Variants in SLC24A1 observed in about 807,000 individuals in gnomAD.
The protein encoded by SLC24A1 is solute carrier family 24 member 1, also known as sodium/potassium/calcium exchanger 1.
A neutral mutation model predicts 88.1 loss-of-function variants in SLC24A1; 52 were observed. The observed-to-expected ratio is 0.59, with a 90% CI of 0.47 to 0.74. The LOEUF (loss-of-function observed/expected upper bound fraction) is 0.74, where lower values mean the gene tolerates loss of function less well. SLC24A1 is among the 30% of genes least tolerant of loss of function. SLC24A1 has a pLI of 0.00. For synonymous variants in SLC24A1, 455 were observed against 498.0 expected (o/e 0.91, Z 1.15); for missense variants, 1,173 against 1,363.3 (o/e 0.86, Z 2.20).
rs557122521 is a variant in SLC24A1 at position 65,642,850 on chromosome 15, G to A, written c.2054-1577G>A. Reference sequence around the variant, plus strand: ...CTGTTTCCTGCTTGTCCTGGAGCCAGGCAGAGCCTTTGATCCACCCAGCTT... The same window carrying A: ...CTGTTTCCTGCTTGTCCTGGAGCCAAGCAGAGCCTTTGATCCACCCAGCTT... On this transcript the variant is annotated intron_variant, in intron 4 of 9. Transcript: ENST00000261892. The A allele has an allele frequency of 5.9e-5, 25 of 423,584 alleles. 2 individuals are homozygous for A. The highest frequency in any genetic ancestry group is 4.6e-4 in the South Asian group (25 of 53,956). The allele number at this position is 423,584 out of a possible 1,614,324, so 26.2% of individuals were successfully genotyped here. A position where few individuals can be genotyped will look rare whatever the true frequency, so the allele number is the denominator to read the frequency against.
Position 65,638,176 on chromosome 15 carries a change from C to G in SLC24A1, c.1939C>G (p.Leu647Val). The G allele has an allele frequency of 6.2e-7, 1 of 1,606,374 alleles. No homozygotes were observed. ...AVDELQDNKK[L>V]KLPSLLTRGS... ...GGATGAGCTACAGGATAACAAGAAGCTGAAGGTGGGTGCCGTATGGAGTCT... is the reference window on the plus strand; with the variant it reads ...GGATGAGCTACAGGATAACAAGAAGGTGAAGGTGGGTGCCGTATGGAGTCT... The change falls in exon 3 of 10, where the codon CTG becomes GTG. Residue 647 changes from leucine (L) to valine (V), a missense_variant. By Grantham distance (32) the Leu-to-Val change is conservative. Transcript: ENST00000261892.
intron 6 of SLC24A1, 67 bp downstream of exon 6, chr15:65,645,770 A>G: frequency 9.6e-7 from 1 of 1,045,240 alleles, no homozygotes; most frequent in Admixed American, 2.1e-5. Context: ...GACCAAAAAT[A>G]CATCCTCCCT....
Position 65,654,477 on chromosome 15 carries a change from G to C in SLC24A1, c.*398G>C. The C allele has an allele frequency of 8.6e-7, 1 of 1,167,348 alleles. No homozygotes were observed. Among genetic ancestry groups the C allele is most frequent in the East Asian group, 6.8e-5 (1 of 14,662 alleles). 72.3% of individuals were successfully genotyped at this position (1,167,348 alleles called of 1,614,324 possible). The stretch of plus-strand genomic sequence containing the variant: ...AAAGGCTGCTGGCCCAAAAGATGCA[G>C]ATGTGGTCTACATCTCAGCCTTCCT... On this transcript the variant is annotated 3_prime_UTR_variant, in exon 10 of 10. Transcript: ENST00000261892.
chr15:65,657,136 G>A (rs2075708212), downstream of SLC24A1, among the ~76,000 whole-genome samples: 1 of 152,094 alleles, frequency 6.6e-6, no homozygotes, highest in Admixed American at 6.5e-5. Flanking sequence ...CTCCCAAAGT[G>A]CTGAGATTAC....
At chr15:65,645,836 C>T in intron 6 of SLC24A1, 133 bp downstream of exon 6, 1 of 630,298 alleles carries the variant, frequency 1.6e-6, no homozygotes, top group South Asian at 2.1e-5. Context: ...ATTACCCTTT[C>T]TCTGAAGATC....
intron 5 of SLC24A1, 33 bp downstream of exon 5, chr15:65,644,546 C>T (rs199964607): frequency 8.6e-5 from 123 of 1,429,828 alleles, no homozygotes; most frequent in Non-Finnish European, 1.1e-4. Flanking sequence ...GGGTTTTCTC[C>T]TGCCCCCCTC....
chr15:65,647,449 G>A (rs2075338758), intron 6 of SLC24A1, among the ~76,000 whole-genome samples: 1 of 136,502 alleles, frequency 7.3e-6, no homozygotes, highest in African/African-American at 2.8e-5. Context: ...CTACACTCCA[G>A]CCTGGGTGAC....
chr15:65,646,992 T>G (rs2141671771), intron 6 of SLC24A1, among the ~76,000 whole-genome samples: 1 of 152,336 alleles, frequency 6.6e-6, no homozygotes, highest in South Asian at 2.1e-4. Flanking sequence ...TGAGAAGGCA[T>G]CTGTGACCCT....
chr15:65,629,875 C>T (rs896687550), intron 2 of SLC24A1, among the ~76,000 whole-genome samples: 3 of 152,114 alleles, frequency 2.0e-5, no homozygotes, highest in East Asian at 1.9e-4. Flanking sequence ...TTGGAAGCTC[C>T]GTACCCACAC....
chr15:65,638,254 T>C, intron 3 of SLC24A1, 73 bp downstream of exon 3: 1 of 1,073,220 alleles, frequency 9.3e-7, no homozygotes, highest in Non-Finnish European at 1.4e-6. Context: ...CCCAGGGTAT[T>C]GTGGCCCTGT....
intron 2 of SLC24A1, among the ~76,000 whole-genome samples, chr15:65,627,893 G>A (rs1292527174): frequency 6.6e-6 from 1 of 152,204 alleles, no homozygotes; most frequent in Non-Finnish European, 1.5e-5. Context: ...GGCTTTAGTA[G>A]CAACTCCTTG....
At chr15:65,616,604 C>G (rs1376785022) in intron 2 of SLC24A1, among the ~76,000 whole-genome samples, 1 of 152,020 alleles carries the variant, frequency 6.6e-6, no homozygotes, top group African/African-American at 2.4e-5. Flanking sequence ...TGTTTGAGTT[C>G]TTTGTAGATT....
intron 6 of SLC24A1, among the ~76,000 whole-genome samples, chr15:65,648,672 A>ATT (rs527349496): frequency 6.6e-6 from 1 of 151,056 alleles, no homozygotes; most frequent in East Asian, 1.9e-4. Flanking sequence ...TTATTTATTT[A>ATT]TTTTTTTTAA....
At chr15:65,644,300 C>A in intron 4 of SLC24A1, 127 bp from the exon 5 acceptor site, 2 of 718,158 alleles carry the variant, frequency 2.8e-6, no homozygotes, top group South Asian at 3.0e-5. Context: ...GTCACAACCC[C>A]CATGGCAGCC....
chr15:65,655,106 C>T lies in SLC24A1; in HGVS notation c.*1027C>T. 9 of 1,008,944 alleles carry T rather than the reference C, an allele frequency of 8.9e-6. No individual in the cohort carries two copies. Among genetic ancestry groups the T allele is most frequent in the Non-Finnish European group, 1.1e-5 (9 of 843,994 alleles). 62.5% of individuals were successfully genotyped at this position (1,008,944 alleles called of 1,614,324 possible). A position where few individuals can be genotyped will look rare whatever the true frequency, so the allele number is the denominator to read the frequency against. ...ACATGCAAATTCATGTTGTCTCCAT[C>T]AGTGGTCACCTTGAGGGATTAGACA... On this transcript the variant is annotated 3_prime_UTR_variant, in exon 10 of 10. Coordinates refer to ENST00000261892, the MANE Select transcript of SLC24A1 (RefSeq NM_004727.3).
rs886051357 is a variant in SLC24A1, at chr15:65,655,553, A to G, written c.*1474A>G. The G allele has an allele frequency of 1.5e-5, 15 of 985,342 alleles. No individual in the cohort carries two copies. Among genetic ancestry groups the G allele is most frequent in the African/African-American group, 1.7e-5 (1 of 57,254 alleles). 61.0% of individuals were successfully genotyped at this position (985,342 alleles called of 1,614,324 possible). A position where few individuals can be genotyped will look rare whatever the true frequency, so the allele number is the denominator to read the frequency against. On this transcript the variant is annotated 3_prime_UTR_variant, in exon 10 of 10. Coordinates refer to ENST00000261892, the MANE Select transcript of SLC24A1 (RefSeq NM_004727.3). ...GCTTTTACTAGAATCAAGTTAAGGGACACGTTAGAAATAGAACAGCTTAAT... is the reference window on the plus strand; with the variant it reads ...GCTTTTACTAGAATCAAGTTAAGGGGCACGTTAGAAATAGAACAGCTTAAT...
chr15:65,636,354 G>A (rs766119695), intron 2 of SLC24A1, among the ~76,000 whole-genome samples: 1 of 152,206 alleles, frequency 6.6e-6, no homozygotes, highest in Non-Finnish European at 1.5e-5. Flanking sequence ...GAAGGCAGAG[G>A]TGGGTGAGTC....
At chr15:65,617,009 G>T (rs1001568287), upstream of SLC24A1, among the ~76,000 whole-genome samples, 1 of 152,080 alleles carries the variant, frequency 6.6e-6, no homozygotes, top group African/African-American at 2.4e-5. Context: ...TTGTTTTTCA[G>T]GTTTGTCAAA....
chr15:65,651,702 G>A lies in SLC24A1; in HGVS notation c.2826G>A (p.Leu942=). 4 of 1,609,914 alleles carry A rather than the reference G, an allele frequency of 2.5e-6. No individual in the cohort carries two copies. Among genetic ancestry groups the A allele is most frequent in the Non-Finnish European group, 3.4e-6 (4 of 1,176,366 alleles). ...GGAAGTTTTTTGTTTTCACCTTCCT[G>A]GGATCTATCATGTGGATAGCCATGT... ...ESRKFFVFTF[L]GSIMWIAMFS... The change falls in exon 8 of 10, where the codon CTG becomes CTA. Residue 942 remains leucine, a synonymous_variant. Coordinates refer to ENST00000261892, the MANE Select transcript of SLC24A1 (RefSeq NM_004727.3).
Sources: gnomAD v4.1 joint callset for allele counts (sites outside exome capture counted in the v4.1 genomes callset) on GRCh38, gnomAD v4.1.1 for gene constraint, MANE v1.5 for transcripts, NCBI Gene and HGNC (gene_info 2026-07-23, HGNC 2026-07-21) for gene names.